POLD2: variants seen among roughly 807,000 people sequenced by gnomAD.
The protein encoded by POLD2 is DNA polymerase delta 2, accessory subunit, also known as DNA polymerase delta subunit 2.
In POLD2, 31 loss-of-function variants were observed where a neutral mutation model predicts 48.8. That is an observed-to-expected ratio of 0.64 (90% CI 0.48 to 0.86). POLD2 has a LOEUF of 0.86. POLD2 is among the 40% of genes least tolerant of loss of function. The pLI is 0.00. For missense variants in POLD2, 455 were observed against 610.1 expected, an observed-to-expected ratio of 0.75 and a Z score of 2.68; for synonymous variants, 233 against 256.3, an observed-to-expected ratio of 0.91 and a Z score of 0.87.
At chr7:44,118,180 G>A in intron 2 of POLD2, 116 bp from the exon 3 acceptor site, 3 of 1,224,592 alleles carry the variant, frequency 2.4e-6, no homozygotes, top group Non-Finnish European at 3.4e-6. Context: ...GGCCTTGCCA[G>A]GAGAGAACAT....
chr7:44,121,935 C>A lies in POLD2; in HGVS notation c.119G>T (p.Arg40Leu). 6.2e-7 allele frequency: 1 copy of A among 1,613,882 alleles called. No homozygotes were observed. The highest frequency in any genetic ancestry group is 1.7e-5 in the Admixed American group (1 of 60,016). The change falls in exon 2 of 11, where the codon CGG becomes CTG. Residue 40 changes from arginine to leucine, a missense_variant. Arg to Leu is a moderately radical substitution (Grantham distance 102). Around this residue, in one of 3 missense-constraint regions of POLD2, gnomAD observed 349 missense variants for 437.4 expected, o/e 0.80. Coordinates refer to ENST00000610533, the MANE Select transcript of POLD2 (RefSeq NM_006230.4). The surrounding 1 kb of genome is among the most constrained non-coding windows in gnomAD (Gnocchi z 4.5). ...CCGGCTAAAGCTGCGCTCTCCTAGC[C>A]GGAAGGGTTGTGAGGAGTTGGTGTA... is the stretch of plus-strand genomic sequence containing the variant. ...ATYTNSSQPF[R>L]LGERSFSRQY... is the part of the protein sequence containing the mutation.
Position 44,115,143 on chromosome 7 carries a change from A to G in POLD2, c.1249+152T>C. On this transcript the variant is annotated intron_variant, in intron 10 of 10. Transcript: ENST00000610533. ...CAGCTGGCGAGGCAGCTTGGCTCCC[A>G]CAGTGAAATGGCAGCTGTGCAGAAG... 12 of 749,878 alleles carry G rather than the reference A, an allele frequency of 1.6e-5. 1 individual carries two copies. In the South Asian group the frequency reaches 2.1e-4, roughly 13 times the overall value. The allele number at this position is 749,878 out of a possible 1,614,324, so 46.5% of individuals were successfully genotyped here.
At position 44,121,886 on chromosome 7, in the gene POLD2, G is replaced by C; in HGVS notation, c.168C>G (p.Thr56=). 2.5e-6 allele frequency: 4 copies of C among 1,613,642 alleles called. No homozygotes were observed. Among genetic ancestry groups the C allele is most frequent in the African/African-American group, 1.3e-5 (1 of 75,042 alleles). ...GGAAGGGTCTCATTTGGATGAGGCG[G>C]GTGGCATAAATGTGGGCATACTGCC... is the stretch of plus-strand genomic sequence containing the variant. ...FSRQYAHIYA[T]RLIQMRPFLE... Residue 56 remains threonine, a synonymous_variant, in exon 2 of 11, where the codon ACC becomes ACG. Coordinates refer to ENST00000610533, the MANE Select transcript of POLD2 (RefSeq NM_006230.4). The surrounding 1 kb of genome is among the most constrained non-coding windows in gnomAD (Gnocchi z 4.5).
chr7:44,123,786 G>A (rs556839606), upstream of POLD2: 1,645 of 1,163,926 alleles, frequency 1.4e-3, 17 homozygotes, highest in African/African-American at 0.021. Context: ...GGCCGCGCGT[G>A]CAGGGGTTGG....
intron 4 of POLD2, 57 bp from the exon 5 acceptor site, chr7:44,117,304 C>T: frequency 3.9e-6 from 5 of 1,292,618 alleles, no homozygotes; most frequent in Admixed American, 1.8e-5. Context: ...CCACTCCTTC[C>T]AGTCACCCCA....
intron 1 of POLD2, 196 bp from the exon 2 acceptor site, chr7:44,122,305 G>A: frequency 7.2e-7 from 1 of 1,386,326 alleles, no homozygotes; most frequent in African/African-American, 1.5e-5. Flanking sequence ...TCCAAAAAGA[G>A]AAAAGGAAAG....
Position 44,116,591 on chromosome 7 carries a change from T to C in POLD2, c.781-81A>G. 1 of 1,203,326 alleles carries C rather than the reference T, an allele frequency of 8.3e-7. No individual in the cohort carries two copies. The highest frequency in any genetic ancestry group is 1.2e-6 in the Non-Finnish European group (1 of 834,866). 74.5% of individuals were successfully genotyped at this position (1,203,326 alleles called of 1,614,324 possible). A position where few individuals can be genotyped will look rare whatever the true frequency, so the allele number is the denominator to read the frequency against. On this transcript the variant is annotated intron_variant, in intron 6 of 10. Transcript: ENST00000610533. This position sits in a 1 kb window ranked among gnomAD's most constrained non-coding sequence, Gnocchi z 6.1. The stretch of plus-strand genomic sequence containing the variant: ...GAGTAGAGCCCCACCAGCTGGAAGA[T>C]GCAGTTGTTGTCCCATAGACCCTCA...
intron 2 of POLD2, among the ~76,000 whole-genome samples, chr7:44,118,721 G>A (rs1363814358): frequency 2.0e-5 from 3 of 151,002 alleles, no homozygotes; most frequent in East Asian, 1.9e-4. Flanking sequence ...GGGTTTCACC[G>A]TGTTAGCCAG....
rs768261412 is a variant in POLD2 at position 44,122,125 on chromosome 7, G to C, written c.-56-16C>G. On this transcript the variant is annotated splice_polypyrimidine_tract_variant and intron_variant, in intron 1 of 10. Coordinates refer to ENST00000610533, the MANE Select transcript of POLD2 (RefSeq NM_006230.4). ...AGGAGGTTCACTGCGAAAACACAAAGGCATTCCTGCTGCCCCTGTCCATCC... is the reference window on the plus strand; with the variant it reads ...AGGAGGTTCACTGCGAAAACACAAACGCATTCCTGCTGCCCCTGTCCATCC... The C allele has an allele frequency of 6.4e-7, 1 of 1,560,036 alleles. No individual in the cohort carries two copies. Among genetic ancestry groups the C allele is most frequent in the Non-Finnish European group, 8.7e-7 (1 of 1,149,434 alleles).
intron 2 of POLD2, 23 bp from the exon 3 acceptor site, chr7:44,118,087 T>A (rs1223043287): frequency 2.5e-6 from 4 of 1,612,844 alleles, no homozygotes; most frequent in Admixed American, 1.7e-5. Context: ...GGGTACAGAC[T>A]CAGAGATGAA....
Position 44,122,060 on chromosome 7 carries a change from A to G in POLD2, c.-7T>C. On this transcript the variant is annotated 5_prime_UTR_variant, in exon 2 of 11. Transcript: ENST00000610533. ...CAGCCTGCTCAGAAAACATGGCCACACTCCTGACTTGCTTGGTCCACACAG... is the reference window on the plus strand; with the variant it reads ...CAGCCTGCTCAGAAAACATGGCCACGCTCCTGACTTGCTTGGTCCACACAG... The G allele has an allele frequency of 1.2e-6, 2 of 1,612,170 alleles. No homozygotes were observed. Among genetic ancestry groups the G allele is most frequent in the Non-Finnish European group, 1.7e-6 (2 of 1,179,614 alleles).
chr7:44,115,621 A>C, intron 9 of POLD2, 145 bp downstream of exon 9: 1 of 929,738 alleles, frequency 1.1e-6, no homozygotes, highest in Non-Finnish European at 1.6e-6. Context: ...TAGCTTCCAG[A>C]GCAGGTGCCA....
At position 44,117,026 on chromosome 7, in the gene POLD2, A is replaced by G; in HGVS notation, c.582-11T>C. On this transcript the variant is annotated splice_polypyrimidine_tract_variant and intron_variant, in intron 5 of 10. Coordinates refer to ENST00000610533, the MANE Select transcript of POLD2 (RefSeq NM_006230.4). ...ACCAGTAGCACAAACCTGCGGGAGA[A>G]GGTGGGGTCCTCCAGGGTGCCGAGA... 1 of 1,612,818 alleles carries G rather than the reference A, an allele frequency of 6.2e-7. No homozygotes were observed. Among genetic ancestry groups the G allele is most frequent in the Non-Finnish European group, 8.5e-7 (1 of 1,179,402 alleles).
At position 44,116,979 on chromosome 7, in the gene POLD2, G is replaced by A. The variant is rs757035691; in HGVS notation, c.618C>T (p.Gly206=). The change falls in exon 6 of 11, where the codon GGC becomes GGT. Residue 206 remains glycine (G), a synonymous_variant. Transcript: ENST00000610533. This position sits in a 1 kb window ranked among gnomAD's most constrained non-coding sequence, Gnocchi z 6.1. ...VLLVSGLGLG[G]GGGESLLGTQ... ...TGCCCAGCAGGCTCTCGCCTCCACC[G>A]CCACCCAGGCCCAGGCCGGACACCA... The A allele has an allele frequency of 2.5e-5, 41 of 1,613,274 alleles. No individual in the cohort carries two copies. The Admixed American group carries it at 3.5e-4, about 14-fold the overall frequency.
intron 9 of POLD2, 90 bp from the exon 10 acceptor site, chr7:44,115,486 C>T: frequency 3.3e-6 from 3 of 905,500 alleles, no homozygotes; most frequent in South Asian, 1.3e-5. Flanking sequence ...CCTCCCATTG[C>T]AGGCCAGTAG....
At chr7:44,123,386 C>G in intron 1 of POLD2, 125 bp downstream of exon 1, 1 of 1,420,022 alleles carries the variant, frequency 7.0e-7, no homozygotes, top group Non-Finnish European at 9.1e-7. Context: ...GCGGGTGCCC[C>G]GGCTCGGATC....
At chr7:44,123,623 C>T, upstream of POLD2, 1 of 1,399,454 alleles carries the variant, frequency 7.1e-7, no homozygotes, top group South Asian at 1.5e-5. Context: ...CAATCGCTGC[C>T]CTCCTCGCCC....
At chr7:44,117,094 A>T in intron 5 of POLD2, 39 bp downstream of exon 5, 1 of 1,610,264 alleles carries the variant, frequency 6.2e-7, no homozygotes, top group Non-Finnish European at 8.5e-7. Flanking sequence ...GATTCCACTG[A>T]CCATGAGCTG....
At position 44,121,905 on chromosome 7, in the gene POLD2, T is replaced by A; in HGVS notation, c.149A>T (p.Tyr50Phe). Residue 50 changes from tyrosine (Y) to phenylalanine (F), a missense_variant, in exon 2 of 11, where the codon TAT (tyrosine) becomes TTT (phenylalanine). By Grantham distance (22) the Tyr-to-Phe change is conservative. Coordinates refer to ENST00000610533, the MANE Select transcript of POLD2 (RefSeq NM_006230.4). The surrounding 1 kb of genome is among the most constrained non-coding windows in gnomAD (Gnocchi z 4.5). ...GAGGCGGGTGGCATAAATGTGGGCA[T>A]ACTGCCGGCTAAAGCTGCGCTCTCC... ...RLGERSFSRQ[Y>F]AHIYATRLIQ... 1 of 1,613,764 alleles carries A rather than the reference T, an allele frequency of 6.2e-7. No individual in the cohort carries two copies. The highest frequency in any genetic ancestry group is 1.1e-5 in the South Asian group (1 of 91,062).
Sources: gnomAD v4.1 joint callset for allele counts (sites outside exome capture counted in the v4.1 genomes callset) on GRCh38, gnomAD v4.1.1 for gene constraint, gnomAD v4.1.1 regional missense constraint, Gnocchi (gnomAD v3.1) non-coding constraint, MANE v1.5 for transcripts, NCBI Gene and HGNC (gene_info 2026-07-23, HGNC 2026-07-21) for gene names.